THSD7A: variants seen among roughly 807,000 people sequenced by gnomAD.
The protein encoded by THSD7A is thrombospondin type-1 domain-containing protein 7A.
THSD7A carries 96 observed loss-of-function variants against 231.3 expected under a neutral mutation model. That is an observed-to-expected ratio of 0.41 (90% CI 0.35 to 0.49). THSD7A has a LOEUF of 0.49. THSD7A is among the 20% of genes least tolerant of loss of function. THSD7A has a pLI of 0.05. For missense variants in THSD7A, 2,290 were observed against 2,070.2 expected (o/e 1.11, Z -2.06); for synonymous variants, 940 against 743.3 (o/e 1.26, Z -4.30).
At chr7:11,624,575 C>T (rs768599855) in intron 2 of THSD7A, among the ~76,000 whole-genome samples, 2 of 152,082 alleles carry the variant, frequency 1.3e-5, no homozygotes, top group African/African-American at 4.8e-5. Context: ...TGGGGAGGAA[C>T]TGGTCAAATT....
intron 1 of THSD7A, among the ~76,000 whole-genome samples, chr7:11,795,186 T>G (rs2128179362): frequency 6.6e-6 from 1 of 152,130 alleles, no homozygotes; most frequent in Non-Finnish European, 1.5e-5. Flanking sequence ...TACAGCATTC[T>G]AAGTGAAATT....
chr7:11,699,441 G>C (rs966177487), intron 1 of THSD7A, among the ~76,000 whole-genome samples: 2 of 151,112 alleles, frequency 1.3e-5, no homozygotes, highest in African/African-American at 4.8e-5. Context: ...AGGGTATCCA[G>C]CTATTTATTA....
At chr7:11,464,780 AGAC>A (rs1159507116) in intron 9 of THSD7A, among the ~76,000 whole-genome samples, 1 of 152,114 alleles carries the variant, frequency 6.6e-6, no homozygotes, top group African/African-American at 2.4e-5. Context: ...CACCCAGAGA[AGAC>A]GTTTAATGGG....
intron 23 of THSD7A, among the ~76,000 whole-genome samples, chr7:11,399,875 G>A (rs544713798): frequency 3.9e-5 from 6 of 152,114 alleles, no homozygotes; most frequent in South Asian, 4.2e-4. Flanking sequence ...CGTTTATTGC[G>A]GCACTATTCA....
chr7:11,698,387 G>C (rs1051525707), intron 1 of THSD7A, among the ~76,000 whole-genome samples: 7 of 151,128 alleles, frequency 4.6e-5, no homozygotes, highest in African/African-American at 1.7e-4. Context: ...TTTCATTTCA[G>C]CTTTCATATA....
chr7:11,665,210 G>A (rs1446382520), intron 1 of THSD7A, among the ~76,000 whole-genome samples: 3 of 152,068 alleles, frequency 2.0e-5, no homozygotes, highest in South Asian at 2.1e-4. Flanking sequence ...AATGTTGGAA[G>A]AGCCAACTCT....
In THSD7A at chr7:11,462,036, C is replaced by G; in HGVS notation, c.2476G>C (p.Ala826Pro). Residue 826 changes from alanine to proline, a missense_variant, in exon 10 of 28, where the codon GCA (alanine) becomes CCA (proline). By Grantham distance (27) the Ala-to-Pro change is conservative. Coordinates refer to ENST00000423059, the MANE Select transcript of THSD7A (RefSeq NM_015204.3). ...CTGTAGCTTTGGCACGCTTGAGGTGCCTCACAGGCCTTCTCTTCATAGAGG... is the reference window on the plus strand; with the variant it reads ...CTGTAGCTTTGGCACGCTTGAGGTGGCTCACAGGCCTTCTCTTCATAGAGG... ...DPLYEEKACE[A>P]PQACQSYRWK... 6.2e-7 allele frequency: 1 copy of G among 1,613,598 alleles called. No individual in the cohort carries two copies.
intron 8 of THSD7A, among the ~76,000 whole-genome samples, chr7:11,470,621 T>A (rs1257409436): frequency 1.3e-5 from 2 of 151,818 alleles, no homozygotes; most frequent in Admixed American, 6.6e-5. Flanking sequence ...TCTATTTGTG[T>A]TTTCTTTTCC....
chr7:11,521,300 T>C (rs1435007033), intron 6 of THSD7A, among the ~76,000 whole-genome samples: 1 of 152,048 alleles, frequency 6.6e-6, no homozygotes, highest in Non-Finnish European at 1.5e-5. Context: ...TTTTAAGAGT[T>C]AAACATGCCC....
At chr7:11,737,322 G>T (rs554909594) in intron 1 of THSD7A, among the ~76,000 whole-genome samples, 2 of 152,056 alleles carry the variant, frequency 1.3e-5, no homozygotes, top group East Asian at 3.9e-4. Context: ...GATGAAACTG[G>T]TGACACTTCT....
chr7:11,371,858 A>G lies in THSD7A; in HGVS notation c.*3936T>C, dbSNP rs944402814. ...GATGTTCACACTCTGAGTGAGTGACACTTTGATTCTAATAGGGAAGGAAAT... is the reference window on the plus strand; with the variant it reads ...GATGTTCACACTCTGAGTGAGTGACGCTTTGATTCTAATAGGGAAGGAAAT... On this transcript the variant is annotated 3_prime_UTR_variant, in exon 28 of 28. Transcript: ENST00000423059. 5 of 150,546 alleles carry G rather than the reference A, an allele frequency of 3.3e-5. No individual in the cohort carries two copies. Among genetic ancestry groups the G allele is most frequent in the African/African-American group, 1.2e-4 (5 of 40,754 alleles). 9.3% of individuals were successfully genotyped at this position (150,546 alleles called of 1,614,324 possible).
At chr7:11,517,339 A>G (rs1355033665) in intron 6 of THSD7A, among the ~76,000 whole-genome samples, 4 of 152,142 alleles carry the variant, frequency 2.6e-5, no homozygotes, top group African/African-American at 9.7e-5. Flanking sequence ...CGGCCTCCCA[A>G]AGTGCTGGGA....
chr7:11,545,104 T>G (rs113733423), intron 4 of THSD7A, among the ~76,000 whole-genome samples: 2 of 152,146 alleles, frequency 1.3e-5, no homozygotes, highest in Non-Finnish European at 2.9e-5. Context: ...TTTAAAGACA[T>G]GTATAGGCAG....
intron 16 of THSD7A, among the ~76,000 whole-genome samples, chr7:11,421,277 G>A (rs958751228): frequency 1.3e-5 from 2 of 152,164 alleles, no homozygotes; most frequent in Non-Finnish European, 2.9e-5. Context: ...TCCCCTTGCT[G>A]TTCTCATGAT....
intron 1 of THSD7A, among the ~76,000 whole-genome samples, chr7:11,648,747 G>A (rs1388253740): frequency 6.6e-6 from 1 of 151,574 alleles, no homozygotes; most frequent in Non-Finnish European, 1.5e-5. Context: ...AATCCTAAGT[G>A]TCTGTGCTGC....
At chr7:11,723,904 A>G (rs978343766) in intron 1 of THSD7A, among the ~76,000 whole-genome samples, 1 of 151,888 alleles carries the variant, frequency 6.6e-6, no homozygotes, top group Non-Finnish European at 1.5e-5. Context: ...GTTGGATCTT[A>G]CTCTGAATGA....
chr7:11,566,073 G>A (rs1256430841), intron 4 of THSD7A, among the ~76,000 whole-genome samples: 1 of 152,140 alleles, frequency 6.6e-6, no homozygotes, highest in Non-Finnish European at 1.5e-5. Context: ...AGGCTTCTGG[G>A]ATTACTTAAA....
chr7:11,658,827 T>C (rs1245200821), intron 1 of THSD7A, among the ~76,000 whole-genome samples: 1 of 151,720 alleles, frequency 6.6e-6, no homozygotes, highest in Non-Finnish European at 1.5e-5. Context: ...GCTTCTGGAA[T>C]ATAAGTTTTG....
Position 11,418,333 on chromosome 7 carries a change from C to T in THSD7A, c.3384-730G>A, listed in dbSNP as rs143073452. Among the ~76,000 whole-genome samples, 235 of 152,264 alleles carry T rather than the reference C, an allele frequency of 1.5e-3. 1 individual carries two copies. The highest frequency in any genetic ancestry group is 5.3e-3 in the African/African-American group (222 of 41,554). ...GTGTTCCATTTTATTCTCCTGTAAG[C>T]AGTCATGAAGGGCTCCTTATTCATC... On this transcript the variant is annotated intron_variant, in intron 16 of 27. Coordinates refer to ENST00000423059, the MANE Select transcript of THSD7A (RefSeq NM_015204.3).
Sources: allele counts gnomAD v4.1 joint callset (sites outside exome capture counted in the v4.1 genomes callset), GRCh38; gene constraint gnomAD v4.1.1; transcripts MANE v1.5; gene names NCBI Gene and HGNC (gene_info 2026-07-23, HGNC 2026-07-21).